The following APCS variants were observed in gnomAD, a reference collection of about 807,000 sequenced individuals.
APCS encodes the protein serum amyloid P-component.
Under a neutral mutation model 2.5 loss-of-function variants are expected in APCS, and 2 were observed. The observed-to-expected ratio is 0.80, with a 90% CI of 0.33 to 2.53. The LOEUF is 2.53. Ranked by LOEUF, APCS falls within the 30% of genes most tolerant of loss-of-function variation. The pLI, the probability that APCS is intolerant of heterozygous loss-of-function variation, is 0.11. For synonymous variants in APCS, 109 were observed against 102.5 expected (o/e 1.06, Z -0.39); for missense variants, 302 against 258.9 (o/e 1.17, Z -1.14).
In APCS at chr1:159,588,801, T is replaced by A. The variant is rs1658823062; in HGVS notation, c.*93T>A. On this transcript the variant is annotated 3_prime_UTR_variant, in exon 2 of 2. Coordinates refer to ENST00000255040, the MANE Select transcript of APCS (RefSeq NM_001639.4). Reference sequence around the variant, plus strand: ...ATACTAGATCTTACATCTGCAGCTCTTTCTTCTTTGAATTTCCTATCTGTA... The same window carrying A: ...ATACTAGATCTTACATCTGCAGCTCATTCTTCTTTGAATTTCCTATCTGTA... 1 of 1,364,934 alleles carries A rather than the reference T, an allele frequency of 7.3e-7. No homozygotes were observed. The allele number at this position is 1,364,934 out of a possible 1,614,324, so 84.6% of individuals were successfully genotyped here.
chr1:159,588,468 A>G lies in APCS; in HGVS notation c.432A>G (p.Val144=), dbSNP rs2808661. 1,340,403 of 1,613,856 alleles carry G rather than the reference A, an allele frequency of 0.83. 559,176 individuals carry two copies. Among genetic ancestry groups the G allele is most frequent in the East Asian group, 0.99 (44,350 of 44,874 alleles). Residue 144 remains valine, a synonymous_variant, in exon 2 of 2, where the codon GTA becomes GTG. Transcript: ENST00000255040. Reference sequence around the variant, plus strand: ...AGGGTCTGCGACAGGGTTACTTTGTAGAAGCTCAGCCCAAGATTGTCCTGG... The same window carrying G: ...AGGGTCTGCGACAGGGTTACTTTGTGGAAGCTCAGCCCAAGATTGTCCTGG... The part of the protein sequence containing the change: ...VKKGLRQGYF[V]EAQPKIVLGQ...
At position 159,588,538 on chromosome 1, in the gene APCS, T is replaced by C. The variant is rs1658815489; in HGVS notation, c.502T>C (p.Ser168Pro). Residue 168 changes from serine to proline, a missense_variant, in exon 2 of 2, where the codon TCC (serine) becomes CCC (proline). Coordinates refer to ENST00000255040, the MANE Select transcript of APCS (RefSeq NM_001639.4). ...TGGGGGCAAGTTTGATAGGAGCCAG[T>C]CCTTTGTGGGAGAGATTGGGGATTT... ...SYGGKFDRSQ[S>P]FVGEIGDLYM... The C allele has an allele frequency of 2.5e-6, 4 of 1,614,008 alleles. No individual in the cohort carries two copies. Among genetic ancestry groups the C allele is most frequent in the Non-Finnish European group, 3.4e-6 (4 of 1,180,002 alleles).
Position 159,587,927 on chromosome 1 carries a change from C to G in APCS, c.6C>G (p.Asn2Lys). 1 of 1,613,382 alleles carries G rather than the reference C, an allele frequency of 6.2e-7. No individual in the cohort carries two copies. The highest frequency in any genetic ancestry group is 8.5e-7 in the Non-Finnish European group (1 of 1,179,952). Residue 2 changes from asparagine (N) to lysine (K), a missense_variant, in exon 1 of 2, where the codon AAC becomes AAG. Physicochemically the swap from Asn to Lys is moderately conservative, Grantham distance 94. Transcript: ENST00000255040. ...AACAGCCCTAGGCCAGGAATATGAA[C>G]AAGCCGCTGCTTTGGATCTCTGTCC... MNKPLLWISVLT... is the reference protein window; with the variant it reads MKKPLLWISVLT...
Position 159,587,846 on chromosome 1 carries a change from AG to A in APCS, c.-71del. 1 of 1,468,706 alleles carries A rather than the reference AG, an allele frequency of 6.8e-7. No individual in the cohort carries two copies. Among genetic ancestry groups the A allele is most frequent in the Non-Finnish European group, 9.5e-7 (1 of 1,050,128 alleles). 91.0% of individuals were successfully genotyped at this position (1,468,706 alleles called of 1,614,324 possible). A position where few individuals can be genotyped will look rare whatever the true frequency, so the allele number is the denominator to read the frequency against. On this transcript the variant is annotated 5_prime_UTR_variant, in exon 1 of 2. Coordinates refer to ENST00000255040, the MANE Select transcript of APCS (RefSeq NM_001639.4). ...TCTAAGGGCATGAATATCAGACGCT[AG>A]GGGGACAGCCACTGTGTTGTCTGCT...
chr1:159,588,580 G>C lies in APCS; in HGVS notation c.544G>C (p.Val182Leu). ...TGGGGATTTGTACATGTGGGACTCT[G>C]TGCTGCCCCCAGAAAATATCCTGTC... ...EIGDLYMWDS[V>L]LPPENILSAY... is the part of the protein sequence containing the mutation. Residue 182 changes from valine (V) to leucine (L), a missense_variant, in exon 2 of 2, where the codon GTG becomes CTG. Coordinates refer to ENST00000255040, the MANE Select transcript of APCS (RefSeq NM_001639.4). The C allele has an allele frequency of 6.2e-7, 1 of 1,613,912 alleles. No individual in the cohort carries two copies. Among genetic ancestry groups the C allele is most frequent in the Non-Finnish European group, 8.5e-7 (1 of 1,179,992 alleles).
At chr1:159,588,048 C>A (rs1658799798) in intron 1 of APCS, 53 bp from the exon 2 acceptor site, 3 of 1,613,048 alleles carry the variant, frequency 1.9e-6, no homozygotes, top group Middle Eastern at 1.7e-4. Context: ...GCTGAGATAT[C>A]TTTTCCCTGC....
chr1:159,588,518 G>A lies in APCS; in HGVS notation c.482G>A (p.Gly161Asp), dbSNP rs200387564. 1.2e-5 allele frequency: 19 copies of A among 1,613,808 alleles called. No individual in the cohort carries two copies. In the South Asian group the frequency reaches 2.0e-4, roughly 17 times the overall value. ...VLGQEQDSYG[G>D]KFDRSQSFVG... is the part of the protein sequence containing the mutation. ...GGGCAGGAACAGGATTCCTATGGGG[G>A]CAAGTTTGATAGGAGCCAGTCCTTT... The change falls in exon 2 of 2, where the codon GGC (glycine) becomes GAC (aspartate). Residue 161 changes from glycine to aspartate, a missense_variant. Transcript: ENST00000255040.
chr1:159,588,746 C>T lies in APCS; in HGVS notation c.*38C>T, dbSNP rs377148645. ...ACGAGAGCACTTGAAAATGAAATGA[C>T]TGTCTAAGAGATCTGGTCAAAGCAA... On this transcript the variant is annotated 3_prime_UTR_variant, in exon 2 of 2. Transcript: ENST00000255040. The T allele has an allele frequency of 6.4e-7, 1 of 1,573,308 alleles. No individual in the cohort carries two copies. Among genetic ancestry groups the T allele is most frequent in the Non-Finnish European group, 8.7e-7 (1 of 1,155,446 alleles).
chr1:159,588,628 C>T lies in APCS; in HGVS notation c.592C>T (p.Pro198Ser), dbSNP rs1658817826. ...ILSAYQGTPLPANILDWQALN... is the reference protein window; with the variant it reads ...ILSAYQGTPLSANILDWQALN... Reference sequence around the variant, plus strand: ...GTCTGCCTATCAGGGTACCCCTCTCCCTGCCAATATCCTGGACTGGCAGGC... The same window carrying T: ...GTCTGCCTATCAGGGTACCCCTCTCTCTGCCAATATCCTGGACTGGCAGGC... Residue 198 changes from proline (P) to serine (S), a missense_variant, in exon 2 of 2, where the codon CCT (proline) becomes TCT (serine). Pro to Ser is a moderately conservative substitution (Grantham distance 74, BLOSUM62 -1). Coordinates refer to ENST00000255040, the MANE Select transcript of APCS (RefSeq NM_001639.4). 1 of 1,613,750 alleles carries T rather than the reference C, an allele frequency of 6.2e-7. No homozygotes were observed. The highest frequency in any genetic ancestry group is 1.6e-4 in the Middle Eastern group (1 of 6,062).
At chr1:159,588,035 G>A (rs528177690) in intron 1 of APCS, 50 bp downstream of exon 1, 1 of 1,612,800 alleles carries the variant, frequency 6.2e-7, no homozygotes. Context: ...AAAATAGGTT[G>A]AAGCTGAGAT....
At position 159,587,880 on chromosome 1, in the gene APCS, T is replaced by A. The variant is rs201356482; in HGVS notation, c.-42T>A. On this transcript the variant is annotated 5_prime_UTR_variant, in exon 1 of 2. Coordinates refer to ENST00000255040, the MANE Select transcript of APCS (RefSeq NM_001639.4). ...GCCACTGTGTTGTCTGCTACCCTCA[T>A]CCTGGTCACTGCTTCTGCTATAACA... 1 of 1,593,384 alleles carries A rather than the reference T, an allele frequency of 6.3e-7. No individual in the cohort carries two copies. Among genetic ancestry groups the A allele is most frequent in the Non-Finnish European group, 8.6e-7 (1 of 1,162,502 alleles).
In APCS at chr1:159,588,371, A is replaced by G. The variant is rs199669232; in HGVS notation, c.335A>G (p.His112Arg). The change falls in exon 2 of 2, where the codon CAC (histidine) becomes CGC (arginine). Residue 112 changes from histidine to arginine, a missense_variant. Coordinates refer to ENST00000255040, the MANE Select transcript of APCS (RefSeq NM_001639.4). ...ATCGAAAAGTTCCCGGCTCCAGTGC[A>G]CATCTGTGTGAGCTGGGAGTCCTCA... The part of the protein sequence containing the change: ...KVIEKFPAPV[H>R]ICVSWESSSG... The G allele has an allele frequency of 1.9e-6, 3 of 1,614,152 alleles. No individual in the cohort carries two copies. Among genetic ancestry groups the G allele is most frequent in the Non-Finnish European group, 2.5e-6 (3 of 1,180,026 alleles).
Position 159,588,398 on chromosome 1 carries a change from C to G in APCS, c.362C>G (p.Ser121Ter). ...VHICVSWESS[S>*]GIAEFWINGT... ...ATCTGTGTGAGCTGGGAGTCCTCAT[C>G]AGGTATTGCTGAATTTTGGATCAAT... The change falls in exon 2 of 2, where the codon TCA becomes TGA. Residue 121 changes from serine (S) to a stop codon, truncating the protein, a stop_gained. Transcript: ENST00000255040. LOFTEE classifies it low-confidence loss of function (END_TRUNC). 6.2e-7 allele frequency: 1 copy of G among 1,614,108 alleles called. No homozygotes were observed. Among genetic ancestry groups the G allele is most frequent in the South Asian group, 1.1e-5 (1 of 91,072 alleles).
At position 159,588,205 on chromosome 1, in the gene APCS, C is replaced by T. The variant is rs773689788; in HGVS notation, c.169C>T (p.Arg57Ter). 1.4e-5 allele frequency: 23 copies of T among 1,613,858 alleles called. No homozygotes were observed. Among genetic ancestry groups the T allele is most frequent in the Admixed American group, 3.3e-5 (2 of 59,990 alleles). The stretch of plus-strand genomic sequence containing the variant: ...TCTACAGAACTTTACCTTGTGTTTT[C>T]GAGCCTATAGTGATCTCTCTCGTGC... The part of the protein sequence containing the change: ...KPLQNFTLCF[R>*]AYSDLSRAYS... Residue 57 changes from arginine to a stop codon, truncating the protein, a stop_gained, in exon 2 of 2, where the codon CGA (arginine) becomes TGA (stop). Transcript: ENST00000255040. LOFTEE classifies it low-confidence loss of function (END_TRUNC).
At chr1:159,588,069 A>G in intron 1 of APCS, 32 bp from the exon 2 acceptor site, 1 of 1,613,306 alleles carries the variant, frequency 6.2e-7, no homozygotes, top group Non-Finnish European at 8.5e-7. Flanking sequence ...ATTTATACTG[A>G]AGGTCATTAT....
Position 159,588,845 on chromosome 1 carries a change from A to AT in APCS, c.*137_*138insT, listed in dbSNP as rs1295247309. On this transcript the variant is annotated 3_prime_UTR_variant, in exon 2 of 2. Coordinates refer to ENST00000255040, the MANE Select transcript of APCS (RefSeq NM_001639.4). Reference sequence around the variant, plus strand: ...ATCTGTATGTCTGCCTAATTAAAAAAATATATATTGTATTATGCTACCTGC... The same window carrying AT: ...ATCTGTATGTCTGCCTAATTAAAAAATATATATATTGTATTATGCTACCTGC... 1.0e-6 allele frequency: 1 copy of AT among 994,428 alleles called. No homozygotes were observed. The highest frequency in any genetic ancestry group is 1.9e-5 in the South Asian group (1 of 53,104). 61.6% of individuals were successfully genotyped at this position (994,428 alleles called of 1,614,324 possible). A position where few individuals can be genotyped will look rare whatever the true frequency, so the allele number is the denominator to read the frequency against.
At position 159,588,219 on chromosome 1, in the gene APCS, T is replaced by C. The variant is rs1181989081; in HGVS notation, c.183T>C (p.Asp61=). The change falls in exon 2 of 2, where the codon GAT becomes GAC. Residue 61 remains aspartate (D), a synonymous_variant. Coordinates refer to ENST00000255040, the MANE Select transcript of APCS (RefSeq NM_001639.4). ...NFTLCFRAYS[D]LSRAYSLFSY... ...CCTTGTGTTTTCGAGCCTATAGTGA[T>C]CTCTCTCGTGCCTACAGCCTCTTCT... The C allele has an allele frequency of 6.2e-7, 1 of 1,614,046 alleles. No individual in the cohort carries two copies. The highest frequency in any genetic ancestry group is 1.3e-5 in the African/African-American group (1 of 74,918).
Position 159,588,003 on chromosome 1 carries a change from T to C in APCS, c.64+18T>C. The stretch of plus-strand genomic sequence containing the variant: ...TCACACAGGTAAGGAGGTGAAGGAA[T>C]GGTCAAGAATCATAAAGTGAGAAAA... On this transcript the variant is annotated intron_variant, in intron 1 of 1. Coordinates refer to ENST00000255040, the MANE Select transcript of APCS (RefSeq NM_001639.4). 1.2e-6 allele frequency: 2 copies of C among 1,613,836 alleles called. No homozygotes were observed. Among genetic ancestry groups the C allele is most frequent in the Non-Finnish European group, 1.7e-6 (2 of 1,179,728 alleles).
In APCS at chr1:159,588,206, G is replaced by T. The variant is rs200015430; in HGVS notation, c.170G>T (p.Arg57Leu). ...CTACAGAACTTTACCTTGTGTTTTC[G>T]AGCCTATAGTGATCTCTCTCGTGCC... ...KPLQNFTLCF[R>L]AYSDLSRAYS... Residue 57 changes from arginine (R) to leucine (L), a missense_variant, in exon 2 of 2, where the codon CGA (arginine) becomes CTA (leucine). By Grantham distance (102) the Arg-to-Leu change is moderately radical (BLOSUM62 -2). Coordinates refer to ENST00000255040, the MANE Select transcript of APCS (RefSeq NM_001639.4). 1 of 1,614,068 alleles carries T rather than the reference G, an allele frequency of 6.2e-7. No homozygotes were observed. Among genetic ancestry groups the T allele is most frequent in the East Asian group, 2.2e-5 (1 of 44,892 alleles).
Sources: allele counts gnomAD v4.1 joint callset, GRCh38; gene constraint gnomAD v4.1.1; transcripts MANE v1.5; gene names NCBI Gene and HGNC (gene_info 2026-07-23, HGNC 2026-07-21).